CABIN1: variants seen among roughly 807,000 people sequenced by gnomAD.
The protein encoded by CABIN1 is calcineurin binding protein 1, also known as calcineurin-binding protein cabin-1.
In CABIN1, 133 loss-of-function variants were observed where a neutral mutation model predicts 227.7. The ratio of observed to expected loss-of-function variants is 0.58; its 90% CI spans 0.51 to 0.67. The LOEUF is 0.67. Among genes scored for constraint, CABIN1 ranks in the 30% least tolerant of loss-of-function variants. The pLI, the probability that CABIN1 is intolerant of heterozygous loss-of-function variation, is 0.00. For missense variants in CABIN1, 2,408 were observed against 2,852.5 expected (o/e 0.84, Z 3.55); for synonymous variants, 1,086 against 1,155.1 (o/e 0.94, Z 1.21).
intron 27 of CABIN1, among the ~76,000 whole-genome samples, chr22:24,118,779 G>C (rs2043230227): frequency 6.6e-6 from 1 of 152,226 alleles, no homozygotes; most frequent in Non-Finnish European, 1.5e-5. Context: ...CCCAGCCTGG[G>C]CTATCCTGAT....
chr22:24,060,734 T>C (rs2267053), intron 12 of CABIN1, among the ~76,000 whole-genome samples: 39,679 of 151,596 alleles, frequency 0.26, 6,022 homozygotes, highest in African/African-American at 0.42. Context: ...ACCTCAGCCT[T>C]CAAAGTAGCT....
intron 34 of CABIN1, among the ~76,000 whole-genome samples, chr22:24,175,401 C>T (rs994351561): frequency 3.3e-5 from 5 of 152,156 alleles, no homozygotes; most frequent in South Asian, 2.1e-4. Flanking sequence ...GGCAGAGGAG[C>T]GGGATGGGGA....
chr22:24,176,831 G>A (rs1331619561), intron 35 of CABIN1, among the ~76,000 whole-genome samples: 2 of 152,234 alleles, frequency 1.3e-5, no homozygotes, highest in African/African-American at 4.8e-5. Flanking sequence ...GCCTCCCACA[G>A]ACCACTTGGG....
intron 28 of CABIN1, among the ~76,000 whole-genome samples, chr22:24,121,469 C>T (rs147299311): frequency 8.5e-5 from 13 of 152,292 alleles, no homozygotes; most frequent in African/African-American, 2.6e-4. Flanking sequence ...TGGCCAGCTC[C>T]GGCTTCCCTG....
At chr22:24,064,262 A>G (rs1341853912) in intron 15 of CABIN1, 75 bp downstream of exon 15, 8 of 1,513,936 alleles carry the variant, frequency 5.3e-6, no homozygotes, top group African/African-American at 1.4e-5. Context: ...CTGGAGTGTA[A>G]TAGTGCAATC....
intron 23 of CABIN1, among the ~76,000 whole-genome samples, chr22:24,090,197 C>G (rs1321319634): frequency 6.6e-6 from 1 of 152,212 alleles, no homozygotes; most frequent in African/African-American, 2.4e-5. Flanking sequence ...TCCCAAGGGT[C>G]TGCATGGTAC....
intron 8 of CABIN1, among the ~76,000 whole-genome samples, chr22:24,054,404 A>G (rs887049494): frequency 6.6e-6 from 1 of 152,204 alleles, no homozygotes; most frequent in Non-Finnish European, 1.5e-5. Context: ...TGCTCCCCAT[A>G]GGCCCTGCCC....
chr22:24,177,389 C>A lies in CABIN1; in HGVS notation c.6206-115C>A, dbSNP rs935357784. The A allele has an allele frequency of 1.0e-6, 1 of 953,926 alleles. No homozygotes were observed. The highest frequency in any genetic ancestry group is 1.5e-6 in the Non-Finnish European group (1 of 645,274). The allele number at this position is 953,926 out of a possible 1,614,324, so 59.1% of individuals were successfully genotyped here. On this transcript the variant is annotated intron_variant, in intron 35 of 36. Transcript: ENST00000263119. The surrounding 1 kb of genome is among the most constrained non-coding windows in gnomAD (Gnocchi z 4.4). Reference sequence around the variant, plus strand: ...AGAAGCCTTGGAGCCTGCCAGCCAGCACAAACTACACAGCATAAAGGCCCA... The same window carrying A: ...AGAAGCCTTGGAGCCTGCCAGCCAGAACAAACTACACAGCATAAAGGCCCA...
chr22:24,050,067 C>G (rs2038208167), intron 7 of CABIN1, among the ~76,000 whole-genome samples: 1 of 152,200 alleles, frequency 6.6e-6, no homozygotes, highest in Non-Finnish European at 1.5e-5. Flanking sequence ...GCCCAGCCAA[C>G]TCCTTTTGCC....
intron 4 of CABIN1, among the ~76,000 whole-genome samples, chr22:24,039,540 G>A: frequency 6.6e-6 from 1 of 152,202 alleles, no homozygotes; most frequent in Admixed American, 6.5e-5. Flanking sequence ...GGGAAAATTA[G>A]TTTATTCCAT....
At chr22:24,109,356 C>G (rs2042687350) in intron 26 of CABIN1, among the ~76,000 whole-genome samples, 1 of 151,582 alleles carries the variant, frequency 6.6e-6, no homozygotes, top group African/African-American at 2.4e-5. Flanking sequence ...TCCCAAGTAA[C>G]TGCCACGCCT....
chr22:24,116,183 AGC>A (rs2043074958), intron 27 of CABIN1, among the ~76,000 whole-genome samples: 2 of 152,144 alleles, frequency 1.3e-5, no homozygotes, highest in African/African-American at 2.4e-5. Context: ...CAGGGGGCAG[AGC>A]TTCAAAAAAA....
At chr22:24,015,449 G>A (rs1238268831) in intron 1 of CABIN1, among the ~76,000 whole-genome samples, 11 of 150,358 alleles carry the variant, frequency 7.3e-5, no homozygotes, top group Admixed American at 2.0e-4. Flanking sequence ...GGTTCACGCC[G>A]TTCTGCTGCC....
intron 28 of CABIN1, among the ~76,000 whole-genome samples, chr22:24,126,863 G>A (rs1569253447): frequency 6.6e-6 from 1 of 152,134 alleles, no homozygotes; most frequent in Admixed American, 6.5e-5. Context: ...GCCTGGTGTG[G>A]TGGTGTGTGC....
At chr22:24,058,710 T>C (rs2038978306) in intron 10 of CABIN1, among the ~76,000 whole-genome samples, 1 of 152,248 alleles carries the variant, frequency 6.6e-6, no homozygotes, top group African/African-American at 2.4e-5. Context: ...GTACCTGTTC[T>C]TGTCCTGCAT....
intron 16 of CABIN1, among the ~76,000 whole-genome samples, chr22:24,069,672 C>T (rs2039948516): frequency 6.6e-6 from 1 of 152,224 alleles, no homozygotes; most frequent in Non-Finnish European, 1.5e-5. Context: ...GGCACCCTCG[C>T]ACCCCAGTGG....
chr22:24,113,449 A>G, intron 26 of CABIN1, 117 bp from the exon 27 acceptor site: 2 of 943,352 alleles, frequency 2.1e-6, no homozygotes, highest in Middle Eastern at 3.2e-4. Flanking sequence ...TGTTCAGGCC[A>G]TCTCCTGCAA....
intron 27 of CABIN1, among the ~76,000 whole-genome samples, chr22:24,116,574 CT>C (rs2043101022): frequency 6.6e-6 from 1 of 152,224 alleles, no homozygotes; most frequent in Non-Finnish European, 1.5e-5. Flanking sequence ...TCACTGGGCT[CT>C]TTTCTCAGGC....
At chr22:24,040,093 C>T (rs756325919) in intron 4 of CABIN1, among the ~76,000 whole-genome samples, 3 of 152,152 alleles carry the variant, frequency 2.0e-5, no homozygotes, top group African/African-American at 7.2e-5. Flanking sequence ...TTGTTTAGTT[C>T]GAAGTAGACT....
Sources: gnomAD v4.1 joint callset for allele counts (sites outside exome capture counted in the v4.1 genomes callset) on GRCh38, gnomAD v4.1.1 for gene constraint, Gnocchi (gnomAD v3.1) non-coding constraint, MANE v1.5 for transcripts, NCBI Gene and HGNC (gene_info 2026-07-23, HGNC 2026-07-21) for gene names.